The following REEP5 variants were observed in gnomAD, a reference collection of about 807,000 sequenced individuals.
The protein encoded by REEP5 is receptor accessory protein 5, also known as receptor expression-enhancing protein 5.
REEP5 carries 24 observed loss-of-function variants against 22.4 expected under a neutral mutation model. The observed-to-expected ratio is 1.07, with a 90% confidence interval of 0.78 to 1.51. The LOEUF (loss-of-function observed/expected upper bound fraction) is 1.51, where lower values mean the gene tolerates loss of function less well. Ranked by LOEUF, REEP5 falls within the 40% of genes most tolerant of loss-of-function variation. REEP5 has a pLI of 0.00. For missense variants in REEP5, 252 were observed against 233.0 expected (o/e 1.08, Z -0.53); for synonymous variants, 103 against 88.6 (o/e 1.16, Z -0.92).
chr5:112,894,381 C>T (rs1484233666), intron 3 of REEP5: 2 of 152,198 alleles, frequency 1.3e-5, no homozygotes, highest in Non-Finnish European at 2.9e-5. Flanking sequence ...TCCTAATGTG[C>T]TTAGGATTAT....
intron 4 of REEP5, among the ~76,000 whole-genome samples, chr5:112,882,842 CCT>C (rs1397560257): frequency 6.6e-5 from 10 of 152,220 alleles, no homozygotes; most frequent in Non-Finnish European, 1.5e-4. Context: ...CCTTCCCCAT[CCT>C]CTCTCAATTG....
In REEP5 at chr5:112,879,919, C is replaced by G. The variant is rs150745079; in HGVS notation, c.521-1084G>C. On this transcript the variant is annotated intron_variant, in intron 4 of 4. Transcript: ENST00000379638. ...TATGAATGGTGAGACCCCCACCCCC[C>G]ACCTCTATTTTAAAAAAATTTTAAA... Among the ~76,000 whole-genome samples, 554 of 151,996 alleles carry G rather than the reference C, an allele frequency of 3.6e-3. 4 individuals are homozygous for G. The highest frequency in any genetic ancestry group is 0.013 in the African/African-American group (535 of 41,468).
At chr5:112,908,577 G>C (rs991253039) in intron 2 of REEP5, among the ~76,000 whole-genome samples, 1 of 151,912 alleles carries the variant, frequency 6.6e-6, no homozygotes, top group Non-Finnish European at 1.5e-5. Context: ...CCAGGCTGGA[G>C]TGCAGTGGCG....
At position 112,913,597 on chromosome 5, in the gene REEP5, T is replaced by C. The variant is rs78990141; in HGVS notation, c.212+7566A>G. 4.9e-3 allele frequency among the ~76,000 whole-genome samples: 663 copies of C among 135,064 alleles called. 7 individuals carry two copies. The highest frequency in any genetic ancestry group is 0.018 in the African/African-American group (645 of 36,396). 88.6% of individuals were successfully genotyped at this position (135,064 alleles called of 152,430 possible). On this transcript the variant is annotated intron_variant, in intron 2 of 4. Transcript: ENST00000379638. The stretch of plus-strand genomic sequence containing the variant: ...AGTCTATAGAATACCTATAATGAAG[T>C]ATAAAGAAAAAAATGCAGTCATTCA...
chr5:112,912,623 C>T (rs1769129515), intron 2 of REEP5, among the ~76,000 whole-genome samples: 1 of 151,970 alleles, frequency 6.6e-6, no homozygotes, highest in Non-Finnish European at 1.5e-5. Context: ...AAGATAGGTT[C>T]TTTGGAAATT....
intron 2 of REEP5, among the ~76,000 whole-genome samples, chr5:112,902,856 T>G (rs1373048210): frequency 2.0e-5 from 3 of 152,218 alleles, no homozygotes; most frequent in Non-Finnish European, 2.9e-5. Flanking sequence ...AGCTGGGTCC[T>G]GCCACGAGGG....
At chr5:112,904,670 G>A (rs1018084605) in intron 2 of REEP5, among the ~76,000 whole-genome samples, 2 of 152,114 alleles carry the variant, frequency 1.3e-5, no homozygotes, top group African/African-American at 4.8e-5. Flanking sequence ...TCATGATCCA[G>A]TAAACAGACA....
intron 3 of REEP5, chr5:112,895,591 T>C (rs958242186): frequency 6.6e-6 from 1 of 152,214 alleles, no homozygotes; most frequent in Non-Finnish European, 1.5e-5. Context: ...CTCTAGCTAT[T>C]GTCTTGAGAC....
chr5:112,908,633 C>G (rs1344716039), intron 2 of REEP5, among the ~76,000 whole-genome samples: 1 of 152,074 alleles, frequency 6.6e-6, no homozygotes, highest in East Asian at 1.9e-4. Context: ...TCATGCCATT[C>G]TCCTGCCTCA....
At chr5:112,883,522 C>T (rs1768139975) in intron 4 of REEP5, among the ~76,000 whole-genome samples, 1 of 152,180 alleles carries the variant, frequency 6.6e-6, no homozygotes, top group South Asian at 2.1e-4. Flanking sequence ...TGCTTCTCAT[C>T]TCTCCAGTCT....
intron 3 of REEP5, chr5:112,891,992 A>C (rs778241711): frequency 7.9e-7 from 1 of 1,261,388 alleles, no homozygotes; most frequent in African/African-American, 1.5e-5. Flanking sequence ...CAATGGAAAG[A>C]ACAGCAGAGG....
chr5:112,901,304 A>C (rs1263732524), intron 3 of REEP5, among the ~76,000 whole-genome samples: 1 of 152,234 alleles, frequency 6.6e-6, no homozygotes, highest in Non-Finnish European at 1.5e-5. Context: ...GAAGAGAGCC[A>C]AGCAAAAACA....
intron 3 of REEP5, chr5:112,891,727 A>T (rs745876385): frequency 2.8e-5 from 46 of 1,614,154 alleles, no homozygotes; most frequent in Non-Finnish European, 3.8e-5. Flanking sequence ...CGCCCTGAAG[A>T]AGGAGAAACG....
chr5:112,876,470 G>A lies in REEP5; in HGVS notation c.*2316C>T, dbSNP rs1349902058. On this transcript the variant is annotated 3_prime_UTR_variant, in exon 5 of 5. Coordinates refer to ENST00000379638, the MANE Select transcript of REEP5 (RefSeq NM_005669.5). The stretch of plus-strand genomic sequence containing the variant: ...AGGATAGGTGATAACAGTGTGAAGG[G>A]TGTGCTCATTTTCTTCAGCTGTGAG... 6.6e-6 allele frequency: 1 copy of A among 152,186 alleles called. No individual in the cohort carries two copies. Among genetic ancestry groups the A allele is most frequent in the Non-Finnish European group, 1.5e-5 (1 of 68,034 alleles). The allele number at this position is 152,186 out of a possible 1,614,324, so 9.4% of individuals were successfully genotyped here.
chr5:112,919,993 C>G (rs935238245), intron 2 of REEP5, among the ~76,000 whole-genome samples: 1 of 152,062 alleles, frequency 6.6e-6, no homozygotes, highest in Non-Finnish European at 1.5e-5. Flanking sequence ...TAACACCGAC[C>G]GCCTGAATAT....
rs1175591692 is a variant in REEP5 at position 112,877,446 on chromosome 5, T to C, written c.*1340A>G. 2 of 152,216 alleles carry C rather than the reference T, an allele frequency of 1.3e-5. No homozygotes were observed. Among genetic ancestry groups the C allele is most frequent in the Admixed American group, 1.3e-4 (2 of 15,282 alleles). The allele number at this position is 152,216 out of a possible 1,614,324, so 9.4% of individuals were successfully genotyped here. ...TTTCTAGTCCAGACAAATTGCTCTC[T>C]ATAACGATTTGGCAGATCAATGGAG... On this transcript the variant is annotated 3_prime_UTR_variant, in exon 5 of 5. Transcript: ENST00000379638.
intron 2 of REEP5, among the ~76,000 whole-genome samples, chr5:112,909,078 T>C (rs1437198461): frequency 2.0e-5 from 3 of 151,828 alleles, no homozygotes; most frequent in East Asian, 1.9e-4. Context: ...AACTATGGAA[T>C]GGCCAGGGCT....
At chr5:112,921,546 C>T (rs886365391) in intron 1 of REEP5, 2 of 457,492 alleles carry the variant, frequency 4.4e-6, no homozygotes, top group East Asian at 8.4e-5. Flanking sequence ...CAGGCACCCG[C>T]TTCCGCCCTC....
chr5:112,892,027 A>G (rs1285960850), intron 3 of REEP5: 2 of 1,397,668 alleles, frequency 1.4e-6, no homozygotes, highest in Non-Finnish European at 2.0e-6. Flanking sequence ...GGAGGAGCAG[A>G]AACAACAGGA....
Sources: gnomAD v4.1 joint callset for allele counts (sites outside exome capture counted in the v4.1 genomes callset) on GRCh38, gnomAD v4.1.1 for gene constraint, MANE v1.5 for transcripts, NCBI Gene and HGNC (gene_info 2026-07-23, HGNC 2026-07-21) for gene names.